Variants in NXPE2 observed in about 807,000 individuals in gnomAD.
NXPE2 encodes the protein NXPE family member 2.
Under a neutral mutation model 34.4 loss-of-function variants are expected in NXPE2, and 34 were observed. The ratio of observed to expected loss-of-function variants is 0.99; its 90% confidence interval spans 0.75 to 1.31. The LOEUF is 1.31. Ranked by LOEUF, NXPE2 falls within the 40% of genes most tolerant of loss-of-function variation. NXPE2 has a pLI of 0.00. For missense variants in NXPE2, 649 were observed against 672.5 expected, an observed-to-expected ratio of 0.97 and a Z score of 0.39; for synonymous variants, 235 against 231.3, an observed-to-expected ratio of 1.02 and a Z score of -0.15.
At chr11:114,537,054 C>T in the NXPE2 span, among the ~76,000 whole-genome samples, 2 of 152,098 alleles carry the variant, frequency 1.3e-5, no homozygotes, top group Non-Finnish European at 1.5e-5. Context: ...AAACCGAATC[C>T]AGCAACACAT....
chr11:114,811,996 A>G, the NXPE2 span, among the ~76,000 whole-genome samples: 1 of 152,240 alleles, frequency 6.6e-6, no homozygotes, highest in Non-Finnish European at 1.5e-5. Flanking sequence ...ACTCAAAAAA[A>G]TGATAGCCAT....
the NXPE2 span, among the ~76,000 whole-genome samples, chr11:114,783,946 T>A: frequency 6.6e-6 from 1 of 152,246 alleles, no homozygotes; most frequent in South Asian, 2.1e-4. Context: ...ACTAACTGTT[T>A]GATCTTTATC....
the NXPE2 span, among the ~76,000 whole-genome samples, chr11:114,630,653 A>C: frequency 9.9e-5 from 15 of 151,116 alleles, no homozygotes; most frequent in Non-Finnish European, 1.8e-4. Flanking sequence ...CAATGGCAAC[A>C]AAAGCCAAAA....
At chr11:114,710,674 T>C (rs1859595366), downstream of NXPE2, among the ~76,000 whole-genome samples, 1 of 151,940 alleles carries the variant, frequency 6.6e-6, no homozygotes, top group Non-Finnish European at 1.5e-5. Flanking sequence ...CTACTAAACA[T>C]TTAAAGAAGA....
the NXPE2 span, among the ~76,000 whole-genome samples, chr11:114,503,013 C>T: frequency 6.6e-6 from 1 of 151,946 alleles, no homozygotes; most frequent in African/African-American, 2.4e-5. Flanking sequence ...GTGGTCTTGG[C>T]ACCTATGATT....
At chr11:114,639,727 T>C in the NXPE2 span, among the ~76,000 whole-genome samples, 5 of 123,786 alleles carry the variant, frequency 4.0e-5, no homozygotes, top group African/African-American at 1.5e-4. Flanking sequence ...AATATAGTAA[T>C]ATAATATAAA....
At chr11:114,586,306 G>A in the NXPE2 span, among the ~76,000 whole-genome samples, 1 of 152,112 alleles carries the variant, frequency 6.6e-6, no homozygotes, top group African/African-American at 2.4e-5. Context: ...AATGAACCTC[G>A]GGTATTATCC....
At chr11:114,667,063 A>G in the NXPE2 span, among the ~76,000 whole-genome samples, 160 of 152,192 alleles carry the variant, frequency 1.1e-3, 1 homozygote, top group African/African-American at 3.7e-3. Flanking sequence ...TCATGCAACA[A>G]AATTTTACAT....
At chr11:114,739,512 A>G in the NXPE2 span, among the ~76,000 whole-genome samples, 7 of 151,908 alleles carry the variant, frequency 4.6e-5, no homozygotes, top group African/African-American at 1.7e-4. Context: ...AAGGTATACA[A>G]TGTGATGTTT....
chr11:114,765,904 C>G, the NXPE2 span, among the ~76,000 whole-genome samples: 4 of 152,282 alleles, frequency 2.6e-5, no homozygotes, highest in Admixed American at 2.0e-4. Flanking sequence ...CAGCCCTGGC[C>G]TTGTCCTTGC....
At chr11:114,585,599 G>A in the NXPE2 span, among the ~76,000 whole-genome samples, 1 of 152,060 alleles carries the variant, frequency 6.6e-6, no homozygotes, top group Non-Finnish European at 1.5e-5. Flanking sequence ...ATGTACGTGT[G>A]TGTGTGTGTG....
chr11:114,483,099 G>A, the NXPE2 span, among the ~76,000 whole-genome samples: 335 of 152,104 alleles, frequency 2.2e-3, 1 homozygote, highest in Admixed American at 3.6e-3. Context: ...TCTATAGTCT[G>A]TATATTCCTT....
chr11:114,796,287 G>C, the NXPE2 span, among the ~76,000 whole-genome samples: 19,189 of 152,050 alleles, frequency 0.13, 1,314 homozygotes, highest in Middle Eastern at 0.17. Context: ...AGCTCTGTTC[G>C]CATATTAATT....
the NXPE2 span, among the ~76,000 whole-genome samples, chr11:114,764,392 A>G: frequency 6.3e-4 from 95 of 151,352 alleles, no homozygotes; most frequent in Admixed American, 1.3e-3. Context: ...GTGAATTGAC[A>G]TGATGTCTGT....
At chr11:114,550,233 A>G in the NXPE2 span, among the ~76,000 whole-genome samples, 1 of 152,196 alleles carries the variant, frequency 6.6e-6, no homozygotes, top group Non-Finnish European at 1.5e-5. Context: ...ACTTGAAAGG[A>G]TAAGTGAAAG....
chr11:114,654,397 G>T, the NXPE2 span, among the ~76,000 whole-genome samples: 1 of 151,844 alleles, frequency 6.6e-6, no homozygotes. Flanking sequence ...GAATGTGCAG[G>T]TTTGTTACAT....
chr11:114,707,593 T>C (rs185548684), downstream of NXPE2: 178 of 188,024 alleles, frequency 9.5e-4, 1 homozygote, highest in Admixed American at 8.4e-3. Context: ...TTCAGTGATA[T>C]TAAGTAATTT....
the NXPE2 span, among the ~76,000 whole-genome samples, chr11:114,481,992 G>A: frequency 1.3e-5 from 2 of 151,936 alleles, no homozygotes; most frequent in African/African-American, 4.8e-5. Flanking sequence ...GTACCATTAA[G>A]AATAGCCATA....
the NXPE2 span, among the ~76,000 whole-genome samples, chr11:114,671,897 AC>A: frequency 6.6e-6 from 1 of 152,054 alleles, no homozygotes; most frequent in Non-Finnish European, 1.5e-5. Context: ...ATAAAGACAT[AC>A]CTGAGACTGG....
Sources: allele counts gnomAD v4.1 joint callset (sites outside exome capture counted in the v4.1 genomes callset), GRCh38; gene constraint gnomAD v4.1.1; transcripts MANE v1.5; gene names NCBI Gene and HGNC (gene_info 2026-07-23, HGNC 2026-07-21).